SLCO1B1: variants seen among roughly 807,000 people sequenced by gnomAD.
SLCO1B1 encodes solute carrier organic anion transporter family member 1B1, also known as OATP-2.
SLCO1B1 carries 81 observed loss-of-function variants against 70.1 expected under a neutral mutation model. The observed-to-expected ratio is 1.16, with a 90% confidence interval of 0.97 to 1.39. The LOEUF (loss-of-function observed/expected upper bound fraction) is 1.39. Ranked by LOEUF, SLCO1B1 falls within the 40% of genes most tolerant of loss-of-function variation. SLCO1B1 has a pLI of 0.00. For missense variants in SLCO1B1, 895 were observed against 799.6 expected (o/e 1.12, Z -1.44); for synonymous variants, 283 against 271.5 (o/e 1.04, Z -0.42).
intron 9 of SLCO1B1, 133 bp from the exon 10 acceptor site, chr12:21,202,358 C>T (rs1164515524): frequency 7.7e-6 from 5 of 651,236 alleles, no homozygotes; most frequent in African/African-American, 5.5e-5. Context: ...CACATGTATC[C>T]CAGAACTTAA....
chr12:21,192,549 T>C (rs761984855), intron 7 of SLCO1B1, among the ~76,000 whole-genome samples: 1 of 151,870 alleles, frequency 6.6e-6, no homozygotes, highest in Non-Finnish European at 1.5e-5. Context: ...GTTGTGTTGA[T>C]ATTTTTTCTA....
At chr12:21,227,446 A>G (rs1348387325) in intron 14 of SLCO1B1, among the ~76,000 whole-genome samples, 3 of 151,960 alleles carry the variant, frequency 2.0e-5, no homozygotes, top group Non-Finnish European at 4.4e-5. Flanking sequence ...TACCAAACAG[A>G]CTCTCTTCCA....
At chr12:21,205,827 T>A in intron 10 of SLCO1B1, 41 bp from the exon 11 acceptor site, 1 of 1,449,454 alleles carries the variant, frequency 6.9e-7, no homozygotes, top group Non-Finnish European at 9.6e-7. Flanking sequence ...CTTTTTCTTC[T>A]CTCTCTCTCT....
intron 14 of SLCO1B1, among the ~76,000 whole-genome samples, chr12:21,232,199 T>C (rs987122418): frequency 6.6e-6 from 1 of 152,148 alleles, no homozygotes; most frequent in Non-Finnish European, 1.5e-5. Flanking sequence ...CAGGCCACCA[T>C]TGTGAAAAGA....
intron 14 of SLCO1B1, among the ~76,000 whole-genome samples, chr12:21,230,323 C>CTTTTTTTTTTTT (rs745494878): frequency 1.4e-5 from 1 of 70,254 alleles, no homozygotes; most frequent in African/African-American, 5.3e-5. Context: ...CTGTAGTATT[C>CTTTTTTTTTTTT]TTTTTTTTTT....
chr12:21,215,621 T>A (rs1425629793), intron 11 of SLCO1B1, among the ~76,000 whole-genome samples: 1 of 152,200 alleles, frequency 6.6e-6, no homozygotes, highest in Non-Finnish European at 1.5e-5. Flanking sequence ...GCATCTATAT[T>A]CATCTATATT....
At chr12:21,200,737 G>T in intron 9 of SLCO1B1, 65 bp downstream of exon 9, 2 of 1,366,432 alleles carry the variant, frequency 1.5e-6, no homozygotes, top group South Asian at 1.3e-5. Context: ...TATTCCAAGT[G>T]GTATTTTATT....
chr12:21,207,269 CT>C (rs1268908899), intron 11 of SLCO1B1, among the ~76,000 whole-genome samples: 1 of 151,858 alleles, frequency 6.6e-6, no homozygotes, highest in East Asian at 1.9e-4. Flanking sequence ...CAATAAGTGG[CT>C]TTTTAGTACT....
intron 1 of SLCO1B1, among the ~76,000 whole-genome samples, chr12:21,134,651 T>C (rs1591793315): frequency 6.6e-6 from 1 of 152,216 alleles, no homozygotes; most frequent in East Asian, 1.9e-4. Flanking sequence ...CTGATGGTAG[T>C]TTGTATTTCT....
At chr12:21,186,511 T>C (rs1471038184) in intron 7 of SLCO1B1, among the ~76,000 whole-genome samples, 3 of 152,060 alleles carry the variant, frequency 2.0e-5, no homozygotes, top group Admixed American at 6.6e-5. Context: ...GCCATATGAA[T>C]TGCCACTAGT....
chr12:21,193,860 G>A (rs546742303), intron 7 of SLCO1B1, among the ~76,000 whole-genome samples: 2 of 151,908 alleles, frequency 1.3e-5, no homozygotes, highest in East Asian at 3.9e-4. Context: ...GTGCGATCTC[G>A]GCTCACTACA....
intron 7 of SLCO1B1, among the ~76,000 whole-genome samples, chr12:21,193,679 T>C (rs1019337843): frequency 9.9e-5 from 15 of 152,224 alleles, no homozygotes; most frequent in Admixed American, 9.8e-4. Context: ...CTTTCAACTT[T>C]AGGTCATTTC....
At chr12:21,176,031 T>C (rs769027853) in intron 4 of SLCO1B1, among the ~76,000 whole-genome samples, 5 of 152,130 alleles carry the variant, frequency 3.3e-5, no homozygotes, top group Admixed American at 6.6e-5. Flanking sequence ...GTCATTCTCA[T>C]GTTGATGTCT....
intron 11 of SLCO1B1, among the ~76,000 whole-genome samples, chr12:21,214,992 C>T (rs975994264): frequency 6.6e-6 from 1 of 152,108 alleles, no homozygotes; most frequent in African/African-American, 2.4e-5. Context: ...GAACCCGGTA[C>T]CTCAGATGGA....
chr12:21,142,126 A>T (rs552811839), intron 2 of SLCO1B1, among the ~76,000 whole-genome samples: 62 of 151,828 alleles, frequency 4.1e-4, no homozygotes, highest in African/African-American at 1.4e-3. Context: ...ATTTAGGCTC[A>T]TGGAACGGAG....
intron 11 of SLCO1B1, among the ~76,000 whole-genome samples, chr12:21,215,636 A>C (rs564492196): frequency 6.6e-6 from 1 of 152,262 alleles, no homozygotes; most frequent in African/African-American, 2.4e-5. Context: ...TATATTCACC[A>C]GGGATATTGG....
chr12:21,181,861 G>A (rs1189912517), intron 7 of SLCO1B1, among the ~76,000 whole-genome samples: 1 of 151,944 alleles, frequency 6.6e-6, no homozygotes, highest in Non-Finnish European at 1.5e-5. Flanking sequence ...TAGAAGTAAA[G>A]GAAACCCTAA....
intron 1 of SLCO1B1, among the ~76,000 whole-genome samples, chr12:21,134,297 T>A (rs1357763059): frequency 6.6e-6 from 1 of 152,180 alleles, no homozygotes; most frequent in Non-Finnish European, 1.5e-5. Flanking sequence ...AAATTCTCTT[T>A]TTTTGTTGTT....
chr12:21,201,645 G>A (rs1941159336), intron 9 of SLCO1B1, among the ~76,000 whole-genome samples: 1 of 152,138 alleles, frequency 6.6e-6, no homozygotes, highest in South Asian at 2.1e-4. Context: ...CTCTATCTGA[G>A]AGAGGCAAAA....
Sources: gnomAD v4.1 joint callset for allele counts (sites outside exome capture counted in the v4.1 genomes callset) on GRCh38, gnomAD v4.1.1 for gene constraint, MANE v1.5 for transcripts, NCBI Gene and HGNC (gene_info 2026-07-23, HGNC 2026-07-21) for gene names.